Variants in SBF2 observed in about 807,000 individuals in gnomAD.
The protein encoded by SBF2 is SET binding factor 2.
Under a neutral mutation model 225.2 loss-of-function variants are expected in SBF2, and 112 were observed. That is an observed-to-expected ratio of 0.50 (90% CI 0.43 to 0.58). The LOEUF (loss-of-function observed/expected upper bound fraction) is 0.58, where lower values mean the gene tolerates loss of function less well. Among genes scored for constraint, SBF2 ranks in the 20% least tolerant of loss-of-function variants. The pLI is 0.00. For synonymous variants in SBF2, 763 were observed against 773.3 expected, an observed-to-expected ratio of 0.99 and a Z score of 0.22; for missense variants, 1,996 against 2,206.2, an observed-to-expected ratio of 0.90 and a Z score of 1.91.
At position 10,223,298 on chromosome 11, in the gene SBF2, G is replaced by A. The variant is rs550365179; in HGVS notation, c.56-29311C>T. Among the ~76,000 whole-genome samples, 62 of 149,890 alleles carry A rather than the reference G, an allele frequency of 4.1e-4. No individual in the cohort carries two copies. The South Asian group carries it at 6.5e-3, about 16-fold the overall frequency. On this transcript the variant is annotated intron_variant, in intron 1 of 39. Transcript: ENST00000256190. ...GTTAGGAACCCCAACCCCTAGAGCC[G>A]TCAAAAATCTGCACATAACTTTTAA...
intron 1 of SBF2, among the ~76,000 whole-genome samples, chr11:10,240,275 A>AC (rs137858485): frequency 0.065 from 9,802 of 149,652 alleles, 505 homozygotes; most frequent in East Asian, 0.28. Flanking sequence ...AAAAAAAAAA[A>AC]CAGGATAACC....
chr11:10,109,448 T>C (rs1295719152), intron 2 of SBF2, among the ~76,000 whole-genome samples: 1 of 152,202 alleles, frequency 6.6e-6, no homozygotes, highest in Non-Finnish European at 1.5e-5. Context: ...GTATTATTTT[T>C]AGCTCGCATG....
In SBF2 at chr11:10,294,138, G is replaced by T; in HGVS notation, c.-69C>A. On this transcript the variant is annotated 5_prime_UTR_variant, in exon 1 of 40. Coordinates refer to ENST00000256190, the MANE Select transcript of SBF2 (RefSeq NM_030962.4). ...CTCGCCGCCGCCGCCCACCCGGCCC[G>T]GGAGGGCTCAGCATTTTCCCTGCAG... is the stretch of plus-strand genomic sequence containing the variant. 3 of 1,208,404 alleles carry T rather than the reference G, an allele frequency of 2.5e-6. No individual in the cohort carries two copies. Among genetic ancestry groups the T allele is most frequent in the Non-Finnish European group, 2.1e-6 (2 of 944,646 alleles). The allele number at this position is 1,208,404 out of a possible 1,614,324, so 74.9% of individuals were successfully genotyped here. A position where few individuals can be genotyped will look rare whatever the true frequency, so the allele number is the denominator to read the frequency against.
chr11:10,067,403 T>C (rs923795431), intron 2 of SBF2, among the ~76,000 whole-genome samples: 7 of 152,078 alleles, frequency 4.6e-5, no homozygotes, highest in African/African-American at 1.7e-4. Context: ...GTGAGGACAG[T>C]AGAAGTTGTA....
At chr11:10,108,714 C>T (rs1192650336) in intron 2 of SBF2, among the ~76,000 whole-genome samples, 2 of 151,054 alleles carry the variant, frequency 1.3e-5, no homozygotes, top group African/African-American at 2.4e-5. Flanking sequence ...TTAGTAGAGG[C>T]GGGGTTTCAC....
chr11:10,105,375 A>C (rs1447402535), intron 2 of SBF2, among the ~76,000 whole-genome samples: 1 of 152,236 alleles, frequency 6.6e-6, no homozygotes, highest in African/African-American at 2.4e-5. Context: ...ATTGGTAATA[A>C]GCTACTAAAA....
At position 10,206,891 on chromosome 11, in the gene SBF2, G is replaced by A. The variant is rs544968058; in HGVS notation, c.56-12904C>T. Among the ~76,000 whole-genome samples the A allele has an allele frequency of 2.0e-5, 3 of 152,114 alleles. No individual in the cohort carries two copies. The South Asian group carries it at 6.2e-4, about 32-fold the overall frequency. On this transcript the variant is annotated intron_variant, in intron 1 of 39. Coordinates refer to ENST00000256190, the MANE Select transcript of SBF2 (RefSeq NM_030962.4). ...AAGATCCACTATTCATATCACTGGA[G>A]TCCCAGAAAAGAGGAGAGGAAGAGG...
At chr11:10,212,402 T>C (rs1014165597) in intron 1 of SBF2, among the ~76,000 whole-genome samples, 3 of 152,190 alleles carry the variant, frequency 2.0e-5, no homozygotes. Flanking sequence ...TGATGAACAG[T>C]TAGGCTTGTA....
intron 13 of SBF2, among the ~76,000 whole-genome samples, chr11:9,981,852 A>G (rs1428712388): frequency 6.6e-6 from 1 of 152,180 alleles, no homozygotes; most frequent in Non-Finnish European, 1.5e-5. Context: ...TTTGTTTACT[A>G]AAGTCAGGAC....
At chr11:9,903,291 C>T (rs1327444777) in intron 16 of SBF2, among the ~76,000 whole-genome samples, 1 of 151,554 alleles carries the variant, frequency 6.6e-6, no homozygotes, top group African/African-American at 2.4e-5. Flanking sequence ...CACTGCACAC[C>T]AGCCTGGGCG....
At chr11:10,260,420 C>A (rs1222895045) in intron 1 of SBF2, among the ~76,000 whole-genome samples, 1 of 151,160 alleles carries the variant, frequency 6.6e-6, no homozygotes, top group Non-Finnish European at 1.5e-5. Flanking sequence ...CCCATCTCTA[C>A]AAAAAAAATT....
At chr11:9,900,029 CTTTTT>C (rs72178587) in intron 16 of SBF2, among the ~76,000 whole-genome samples, 37,698 of 133,118 alleles carry the variant, frequency 0.28, 5,806 homozygotes, top group African/African-American at 0.44. Flanking sequence ...TCCTTTTCTT[CTTTTT>C]TTTTTTTTTT....
intron 13 of SBF2, among the ~76,000 whole-genome samples, chr11:9,973,885 G>T (rs1300820759): frequency 1.3e-5 from 2 of 152,164 alleles, no homozygotes; most frequent in Non-Finnish European, 2.9e-5. Context: ...AAATCAATAT[G>T]ATATTGTTAG....
At chr11:10,003,459 C>T (rs1437505905) in intron 6 of SBF2, among the ~76,000 whole-genome samples, 3 of 151,866 alleles carry the variant, frequency 2.0e-5, no homozygotes, top group African/African-American at 7.3e-5. Flanking sequence ...GCTCTGCCTC[C>T]CGGGTTCATG....
chr11:9,916,974 C>A (rs2134207437), intron 16 of SBF2, among the ~76,000 whole-genome samples: 1 of 151,724 alleles, frequency 6.6e-6, no homozygotes, highest in East Asian at 1.9e-4. Context: ...GTAACCCCCA[C>A]CCTTATCAAC....
intron 2 of SBF2, among the ~76,000 whole-genome samples, chr11:10,098,143 A>G (rs958179642): frequency 6.6e-6 from 1 of 152,056 alleles, no homozygotes; most frequent in African/African-American, 2.4e-5. Context: ...ATGGCACCCT[A>G]TATGTGCCCC....
At chr11:10,088,837 T>C (rs1951674682) in intron 2 of SBF2, among the ~76,000 whole-genome samples, 1 of 152,348 alleles carries the variant, frequency 6.6e-6, no homozygotes, top group African/African-American at 2.4e-5. Context: ...ATCAGAATAA[T>C]GAGAAACACC....
At chr11:10,257,129 C>T (rs1170271719) in intron 1 of SBF2, among the ~76,000 whole-genome samples, 1 of 152,160 alleles carries the variant, frequency 6.6e-6, no homozygotes, top group Admixed American at 6.5e-5. Flanking sequence ...AAGATCACAT[C>T]TAATAAATAG....
intron 2 of SBF2, among the ~76,000 whole-genome samples, chr11:10,045,366 A>C (rs971001297): frequency 6.6e-5 from 10 of 151,948 alleles, no homozygotes; most frequent in African/African-American, 2.4e-4. Flanking sequence ...GGGGTTTTGC[A>C]ATGTTGGCCA....
Sources: gnomAD v4.1 joint callset for allele counts (sites outside exome capture counted in the v4.1 genomes callset) on GRCh38, gnomAD v4.1.1 for gene constraint, MANE v1.5 for transcripts, NCBI Gene and HGNC (gene_info 2026-07-23, HGNC 2026-07-21) for gene names.